Variants in IL1RAPL1 observed in about 807,000 individuals in gnomAD.
IL1RAPL1 encodes interleukin 1 receptor accessory protein like 1.
In IL1RAPL1, 3 loss-of-function variants were observed where a neutral mutation model predicts 48.4. That is an observed-to-expected ratio of 0.06 (90% CI 0.03 to 0.16). The LOEUF is 0.16. Among genes scored for constraint, IL1RAPL1 ranks in the 10% least tolerant of loss-of-function variants. The probability of loss-of-function intolerance (pLI) is 1.00; values close to 1 mark genes in which losing one functional copy is unlikely to be tolerated. For synonymous variants in IL1RAPL1, 185 were observed against 187.7 expected, an observed-to-expected ratio of 0.99 and a Z score of 0.12; for missense variants, 349 against 530.6, an observed-to-expected ratio of 0.66 and a Z score of 3.36.
chrX:29,848,790 G>C, intron 6 of IL1RAPL1, among the ~76,000 whole-genome samples: 1 of 110,924 alleles, frequency 9.0e-6, no homozygotes, highest in East Asian at 2.8e-4. Context: ...TTTTGAGACA[G>C]AGTCTCACTC....
intron 6 of IL1RAPL1, among the ~76,000 whole-genome samples, chrX:29,819,841 C>T (rs912692122): frequency 9.8e-6 from 1 of 102,459 alleles, no homozygotes; most frequent in African/African-American, 3.6e-5. Context: ...GGGTTTCCAT[C>T]AAAATACCTC....
intron 6 of IL1RAPL1, among the ~76,000 whole-genome samples, chrX:29,892,812 C>T (rs1014850042): frequency 2.7e-5 from 3 of 112,320 alleles, no homozygotes; most frequent in Non-Finnish European, 5.6e-5. Context: ...CTTCATTGGA[C>T]AGCACTTGCT....
chrX:28,817,085 C>A (rs1028331643), intron 2 of IL1RAPL1, among the ~76,000 whole-genome samples: 2 of 110,312 alleles, frequency 1.8e-5, no homozygotes, highest in Non-Finnish European at 3.8e-5. Flanking sequence ...GACATTTATT[C>A]AATTATACAT....
intron 6 of IL1RAPL1, among the ~76,000 whole-genome samples, chrX:29,693,968 C>T (rs1926844285): frequency 2.7e-5 from 3 of 111,400 alleles, no homozygotes. Flanking sequence ...ATGTAAGATT[C>T]GGTTAAGTAG....
intron 2 of IL1RAPL1, among the ~76,000 whole-genome samples, chrX:29,139,289 GAAGGT>G (rs1929197052): frequency 9.0e-6 from 1 of 110,901 alleles, no homozygotes; most frequent in Non-Finnish European, 1.9e-5. Context: ...TGGCAGTTTG[GAAGGT>G]AAGGCAAGAA....
chrX:29,750,255 C>T (rs1928426887), intron 6 of IL1RAPL1, among the ~76,000 whole-genome samples: 1 of 112,044 alleles, frequency 8.9e-6, no homozygotes, highest in African/African-American at 3.2e-5. Context: ...TAAGATGCTT[C>T]GTATTTGTAT....
intron 5 of IL1RAPL1, among the ~76,000 whole-genome samples, chrX:29,486,304 G>A (rs1029809267): frequency 2.7e-5 from 3 of 109,941 alleles, no homozygotes; most frequent in Admixed American, 9.8e-5. Context: ...TTTTCCTGTG[G>A]GCTCCTCAGT....
chrX:29,579,887 T>C (rs1369791119), intron 5 of IL1RAPL1, among the ~76,000 whole-genome samples: 1 of 111,923 alleles, frequency 8.9e-6, no homozygotes, highest in Non-Finnish European at 1.9e-5. Context: ...CATATGTGCT[T>C]ATTGAATCTG....
chrX:28,765,920 A>G (rs901423209), intron 1 of IL1RAPL1, among the ~76,000 whole-genome samples: 7 of 111,869 alleles, frequency 6.3e-5, no homozygotes, highest in African/African-American at 2.3e-4. Context: ...TGAAAAGTAG[A>G]AGGTGGCATG....
At position 29,262,617 on chromosome X, in the gene IL1RAPL1, C is replaced by T. The variant is rs775605542; in HGVS notation, c.83-20321C>T. Among the ~76,000 whole-genome samples the T allele has an allele frequency of 8.4e-3, 904 of 108,139 alleles. 13 individuals are homozygous for T. Among genetic ancestry groups the T allele is most frequent in the African/African-American group, 0.029 (870 of 29,606 alleles). 93.9% of individuals were successfully genotyped at this position (108,139 alleles called of 115,157 possible). On this transcript the variant is annotated intron_variant, in intron 2 of 10. Transcript: ENST00000378993. ...GACGGAGGTTGCAGTGAGCTGAGATCGCGCCACTGAACTCCAGCCTTGGCA... is the reference window on the plus strand; with the variant it reads ...GACGGAGGTTGCAGTGAGCTGAGATTGCGCCACTGAACTCCAGCCTTGGCA...
chrX:29,653,435 A>C (rs893142207), intron 5 of IL1RAPL1, among the ~76,000 whole-genome samples: 2 of 111,855 alleles, frequency 1.8e-5, no homozygotes, highest in Non-Finnish European at 3.8e-5. Flanking sequence ...TTTTCCTGCA[A>C]TGCTTGAAAT....
rs143625492 is a variant in IL1RAPL1, at chrX:29,552,479, C to T, written c.704-115951C>T. Among the ~76,000 whole-genome samples the T allele has an allele frequency of 4.9e-3, 541 of 111,338 alleles. 3 individuals are homozygous for T. Among genetic ancestry groups the T allele is most frequent in the African/African-American group, 0.017 (514 of 30,634 alleles). ...TATCGTTACATACCATGGTTTCACTCATTCTTTTAAAATTATTTTTACTAC... is the reference window on the plus strand; with the variant it reads ...TATCGTTACATACCATGGTTTCACTTATTCTTTTAAAATTATTTTTACTAC... On this transcript the variant is annotated intron_variant, in intron 5 of 10. Transcript: ENST00000378993.
rs193044985 is a variant in IL1RAPL1 at position 28,616,665 on chromosome X, C to T, written c.-25+28618C>T. Among the ~76,000 whole-genome samples, 281 of 111,719 alleles carry T rather than the reference C, an allele frequency of 2.5e-3. 2 individuals carry two copies. The highest frequency in any genetic ancestry group is 7.5e-3 in the African/African-American group (231 of 30,766). ...GCCAGGCTTGACTCAAACTCCTGAC[C>T]TCATGATCCACCCACCTTGGCCTCC... On this transcript the variant is annotated intron_variant, in intron 1 of 10. Transcript: ENST00000378993.
intron 1 of IL1RAPL1, among the ~76,000 whole-genome samples, chrX:28,651,853 T>C (rs1934686803): frequency 1.8e-5 from 2 of 111,739 alleles, no homozygotes; most frequent in African/African-American, 6.5e-5. Flanking sequence ...GTTATAGGGT[T>C]GTAAGGAAGC....
chrX:29,869,233 G>T (rs1440657491), intron 6 of IL1RAPL1, among the ~76,000 whole-genome samples: 1 of 112,138 alleles, frequency 8.9e-6, no homozygotes, highest in African/African-American at 3.2e-5. Flanking sequence ...TGTGATAACT[G>T]AGAGATTAAT....
chrX:29,765,438 T>C (rs1423701098), intron 6 of IL1RAPL1, among the ~76,000 whole-genome samples: 1 of 111,882 alleles, frequency 8.9e-6, no homozygotes, highest in African/African-American at 3.2e-5. Flanking sequence ...AGAGGAGTTA[T>C]TAAAATTTTC....
At chrX:29,019,850 A>G (rs1926323790) in intron 2 of IL1RAPL1, among the ~76,000 whole-genome samples, 1 of 112,332 alleles carries the variant, frequency 8.9e-6, no homozygotes, top group Non-Finnish European at 1.9e-5. Context: ...AGAATCTGCC[A>G]TGTACAAGAC....
chrX:29,235,383 G>A (rs1295997431), intron 2 of IL1RAPL1, among the ~76,000 whole-genome samples: 1 of 111,337 alleles, frequency 9.0e-6, no homozygotes, highest in Non-Finnish European at 1.9e-5. Flanking sequence ...GAGACAATCT[G>A]TACTGACTCT....
At chrX:29,364,930 A>G (rs920994496) in intron 3 of IL1RAPL1, among the ~76,000 whole-genome samples, 1 of 111,915 alleles carries the variant, frequency 8.9e-6, no homozygotes, top group Non-Finnish European at 1.9e-5. Context: ...TGTAAACTGT[A>G]GATAGAATTT....
Sources: allele counts gnomAD v4.1 joint callset (sites outside exome capture counted in the v4.1 genomes callset), GRCh38; gene constraint gnomAD v4.1.1; transcripts MANE v1.5; gene names NCBI Gene and HGNC (gene_info 2026-07-23, HGNC 2026-07-21).